The following SPOCK1 variants were observed in gnomAD, a reference collection of about 807,000 sequenced individuals.
SPOCK1 encodes the protein SPARC (osteonectin), cwcv and kazal like domains proteoglycan 1.
A neutral mutation model predicts 55.3 loss-of-function variants in SPOCK1; 23 were observed. The observed-to-expected ratio is 0.42, with a 90% CI of 0.30 to 0.59. The LOEUF (loss-of-function observed/expected upper bound fraction) is 0.59. Among genes scored for constraint, SPOCK1 ranks in the 20% least tolerant of loss-of-function variants. The pLI is 0.22. For missense variants in SPOCK1, 499 were observed against 552.5 expected, an observed-to-expected ratio of 0.90 and a Z score of 0.97; for synonymous variants, 226 against 221.0, an observed-to-expected ratio of 1.02 and a Z score of -0.20.
chr5:137,111,222 C>T (rs1011013496), intron 5 of SPOCK1, among the ~76,000 whole-genome samples: 4 of 152,052 alleles, frequency 2.6e-5, no homozygotes, highest in African/African-American at 9.7e-5. Context: ...GGCCAATTGT[C>T]TGTGCAGTGG....
intron 3 of SPOCK1, among the ~76,000 whole-genome samples, chr5:137,193,611 C>T (rs141279441): frequency 1.3e-5 from 2 of 152,220 alleles, no homozygotes; most frequent in Admixed American, 1.3e-4. Context: ...GCTTGGTGTC[C>T]GCCTCTGATG....
chr5:137,277,281 C>G (rs529244778), intron 2 of SPOCK1, among the ~76,000 whole-genome samples: 1 of 152,268 alleles, frequency 6.6e-6, no homozygotes, highest in East Asian at 1.9e-4. Flanking sequence ...TCCTAAAGTG[C>G]TGGGATTACA....
chr5:137,189,434 C>G (rs1243034617), intron 3 of SPOCK1, among the ~76,000 whole-genome samples: 1 of 152,180 alleles, frequency 6.6e-6, no homozygotes, highest in Non-Finnish European at 1.5e-5. Context: ...GACACTAAAG[C>G]TACTCTGCCT....
intron 3 of SPOCK1, among the ~76,000 whole-genome samples, chr5:137,183,148 C>T: frequency 6.6e-6 from 1 of 152,260 alleles, no homozygotes; most frequent in South Asian, 2.1e-4. Context: ...CCATCAATCT[C>T]ATTAATCTTT....
At chr5:137,477,951 C>A (rs1354237389) in intron 2 of SPOCK1, among the ~76,000 whole-genome samples, 1 of 152,176 alleles carries the variant, frequency 6.6e-6, no homozygotes, top group African/African-American at 2.4e-5. Context: ...CTTCATTCAG[C>A]AACACAGCAT....
chr5:137,008,551 T>G (rs757289560), intron 6 of SPOCK1, among the ~76,000 whole-genome samples: 1 of 152,192 alleles, frequency 6.6e-6, no homozygotes, highest in African/African-American at 2.4e-5. Flanking sequence ...AACCAGGAAC[T>G]ACTGTTCTCA....
At chr5:137,370,524 G>T (rs565207813) in intron 2 of SPOCK1, among the ~76,000 whole-genome samples, 4 of 152,252 alleles carry the variant, frequency 2.6e-5, no homozygotes, top group South Asian at 2.1e-4. Flanking sequence ...CAAGAGAAAG[G>T]CTCCTTGAAA....
chr5:137,140,445 C>A (rs576549530), intron 4 of SPOCK1, 135 bp downstream of exon 4: 1 of 629,470 alleles, frequency 1.6e-6, no homozygotes, highest in Non-Finnish European at 2.7e-6. Flanking sequence ...AGTACAGGCA[C>A]CAAACACCAT....
At chr5:137,196,833 G>A (rs1043716086) in intron 3 of SPOCK1, among the ~76,000 whole-genome samples, 7 of 152,182 alleles carry the variant, frequency 4.6e-5, no homozygotes, top group Non-Finnish European at 1.0e-4. Context: ...TCTTCAGGGT[G>A]CCCCCTGCAC....
intron 3 of SPOCK1, among the ~76,000 whole-genome samples, chr5:137,194,519 T>C (rs1755260393): frequency 6.6e-6 from 1 of 152,082 alleles, no homozygotes; most frequent in African/African-American, 2.4e-5. Context: ...GCAAGAGCAC[T>C]GGTCTTTGCT....
chr5:137,227,724 AAC>A (rs1755971466), intron 3 of SPOCK1, among the ~76,000 whole-genome samples: 1 of 152,220 alleles, frequency 6.6e-6, no homozygotes, highest in Non-Finnish European at 1.5e-5. Context: ...GGGCTTTGCA[AAC>A]AAAGATGAGG....
At chr5:137,009,021 CAG>C (rs1751302882) in intron 6 of SPOCK1, among the ~76,000 whole-genome samples, 2 of 152,114 alleles carry the variant, frequency 1.3e-5, no homozygotes, top group African/African-American at 4.8e-5. Flanking sequence ...GGAAAAATAA[CAG>C]AGATGATAGT....
intron 5 of SPOCK1, among the ~76,000 whole-genome samples, chr5:137,109,286 G>C (rs902156574): frequency 6.6e-6 from 1 of 152,198 alleles, no homozygotes; most frequent in Non-Finnish European, 1.5e-5. Flanking sequence ...GTCTCTGCCA[G>C]AGCCCCAGGT....
In SPOCK1 at chr5:137,111,603, C is replaced by T. The variant is rs1753474964; in HGVS notation, c.474+832G>A. Among the ~76,000 whole-genome samples, 3 of 152,242 alleles carry T rather than the reference C, an allele frequency of 2.0e-5. No homozygotes were observed. The South Asian group carries it at 6.2e-4, about 32-fold the overall frequency. ...CTATGATTTCCCTTTAGTTCATTAT[C>T]CTGGTGAAACGTACCCATTCTCAAT... On this transcript the variant is annotated intron_variant, in intron 5 of 10. Coordinates refer to ENST00000394945, the MANE Select transcript of SPOCK1 (RefSeq NM_004598.4).
chr5:137,323,231 A>T (rs900639653), intron 2 of SPOCK1, among the ~76,000 whole-genome samples: 1 of 152,214 alleles, frequency 6.6e-6, no homozygotes, highest in African/African-American at 2.4e-5. Context: ...ATCAAAAGAC[A>T]TAGGGTAGTT....
At chr5:137,123,944 C>G (rs200088516) in intron 4 of SPOCK1, among the ~76,000 whole-genome samples, 1 of 152,038 alleles carries the variant, frequency 6.6e-6, no homozygotes, top group South Asian at 2.1e-4. Flanking sequence ...ATTTGTACCC[C>G]CAATGCCAGC....
chr5:137,498,442 T>G lies in SPOCK1; in HGVS notation c.117A>C (p.Leu39=). 2 of 1,611,200 alleles carry G rather than the reference T, an allele frequency of 1.2e-6. No homozygotes were observed. Among genetic ancestry groups the G allele is most frequent in the Non-Finnish European group, 1.7e-6 (2 of 1,179,040 alleles). The change falls in exon 2 of 11, where the codon CTA becomes CTC. Residue 39 remains leucine (L), a synonymous_variant. Transcript: ENST00000394945. ...CGGTGCTCAGCCACTGGTCATTGTC[T>G]AGGAAATTGCCGTGGTTGGGGCCCG... is the stretch of plus-strand genomic sequence containing the variant. ...GGAGPNHGNF[L]DNDQWLSTVS...
At chr5:137,082,722 C>G (rs937806111) in intron 5 of SPOCK1, among the ~76,000 whole-genome samples, 2 of 152,188 alleles carry the variant, frequency 1.3e-5, no homozygotes, top group African/African-American at 4.8e-5. Flanking sequence ...AGAGTCTGAG[C>G]TGGGCCTCGG....
intron 3 of SPOCK1, among the ~76,000 whole-genome samples, chr5:137,193,269 T>C (rs1396242066): frequency 6.6e-6 from 1 of 151,854 alleles, no homozygotes; most frequent in Non-Finnish European, 1.5e-5. Context: ...AATTAGGAGG[T>C]CCAGGCAAGA....
Sources: gnomAD v4.1 joint callset for allele counts (sites outside exome capture counted in the v4.1 genomes callset) on GRCh38, gnomAD v4.1.1 for gene constraint, MANE v1.5 for transcripts, NCBI Gene and HGNC (gene_info 2026-07-23, HGNC 2026-07-21) for gene names.